REPS2: variants seen among roughly 807,000 people sequenced by gnomAD.
REPS2 encodes the protein ralBP1-associated Eps domain-containing protein 2.
A neutral mutation model predicts 53.6 loss-of-function variants in REPS2; 23 were observed. That is an observed-to-expected ratio of 0.43 (90% CI 0.31 to 0.61). REPS2 has a LOEUF of 0.61. REPS2 is among the 20% of genes least tolerant of loss of function. The pLI, the probability that REPS2 is intolerant of heterozygous loss-of-function variation, is 0.11. For missense variants in REPS2, 446 were observed against 534.9 expected (o/e 0.83, Z 1.64); for synonymous variants, 238 against 218.6 (o/e 1.09, Z -0.78).
At chrX:16,977,175 A>T (rs781741192) in intron 1 of REPS2, among the ~76,000 whole-genome samples, 8 of 111,254 alleles carry the variant, frequency 7.2e-5, no homozygotes, top group African/African-American at 2.6e-4. Flanking sequence ...TGCTCTTGGG[A>T]CACCTTTACT....
intron 5 of REPS2, among the ~76,000 whole-genome samples, chrX:17,038,203 ACAATTGCC>A (rs2061790200): frequency 8.9e-6 from 1 of 112,489 alleles, no homozygotes; most frequent in African/African-American, 3.2e-5. Flanking sequence ...TTAAAAACTG[ACAATTGCC>A]CTAAAGGCCT....
intron 14 of REPS2, among the ~76,000 whole-genome samples, chrX:17,117,193 A>C (rs1235177983): frequency 1.8e-5 from 2 of 112,438 alleles, no homozygotes; most frequent in African/African-American, 6.5e-5. Context: ...CACAGGTAGC[A>C]AAGTGATACC....
chrX:16,957,789 C>T (rs2060614254), intron 1 of REPS2, among the ~76,000 whole-genome samples: 1 of 111,771 alleles, frequency 8.9e-6, no homozygotes, highest in South Asian at 3.7e-4. Context: ...GCATGACTGA[C>T]ACTTTGGGGC....
chrX:17,076,295 C>T (rs1295300299), intron 12 of REPS2, among the ~76,000 whole-genome samples: 1 of 111,845 alleles, frequency 8.9e-6, no homozygotes, highest in Non-Finnish European at 1.9e-5. Context: ...GTACCTCTGA[C>T]TCAGAGGTCG....
chrX:17,044,124 A>C (rs887606497), intron 5 of REPS2, among the ~76,000 whole-genome samples: 1 of 111,417 alleles, frequency 9.0e-6, no homozygotes, highest in Admixed American at 9.6e-5. Flanking sequence ...GTTAGAGTAG[A>C]CCTGAGACCT....
intron 5 of REPS2, among the ~76,000 whole-genome samples, chrX:17,037,659 C>T (rs2061783190): frequency 8.9e-6 from 1 of 112,307 alleles, no homozygotes; most frequent in African/African-American, 3.2e-5. Flanking sequence ...CACTGTGTAC[C>T]ACACTTCTTG....
At chrX:17,187,046 T>A in the REPS2 span, among the ~76,000 whole-genome samples, 1 of 111,825 alleles carries the variant, frequency 8.9e-6, no homozygotes, top group East Asian at 2.8e-4. Flanking sequence ...TTCATCCATG[T>A]AACCAAAAAC....
intron 1 of REPS2, among the ~76,000 whole-genome samples, chrX:16,952,062 C>T (rs1217529520): frequency 9.0e-6 from 1 of 111,730 alleles, no homozygotes; most frequent in East Asian, 2.8e-4. Flanking sequence ...CACATATGCT[C>T]CAGATCTCAT....
intron 13 of REPS2, among the ~76,000 whole-genome samples, chrX:17,093,166 C>CCATATATATATATATATATATA (rs2062641320): frequency 3.1e-4 from 12 of 39,106 alleles, no homozygotes; most frequent in South Asian, 2.2e-3. Context: ...TGAGTTAATG[C>CCATATATATATATATATATATA]TATATATATA....
Position 17,103,868 on chromosome X carries a change from G to T in REPS2, c.1578+89G>T, listed in dbSNP as rs755694856. The T allele has an allele frequency of 2.6e-3, 2,252 of 857,045 alleles. 7 individuals carry two copies. The highest frequency in any genetic ancestry group is 3.4e-3 in the Non-Finnish European group (1,968 of 581,158). The allele number at this position is 857,045 out of a possible 1,213,427, so 70.6% of individuals were successfully genotyped here. ...TTCTTTGCAAGGGTTGATCGCCACA[G>T]ATCTGGTCCATGAGATTCCCAAGCT... On this transcript the variant is annotated intron_variant, in intron 14 of 17. Coordinates refer to ENST00000357277, the MANE Select transcript of REPS2 (RefSeq NM_004726.3).
chrX:17,002,609 CCT>C (rs2061321107), intron 1 of REPS2, among the ~76,000 whole-genome samples: 1 of 112,200 alleles, frequency 8.9e-6, no homozygotes, highest in Admixed American at 9.4e-5. Context: ...TCAGCTGTTC[CCT>C]GAGAGGCTGA....
rs1312494928 is a variant in REPS2 at position 17,150,003 on chromosome X, G to A, written c.*2522G>A. 9.0e-6 allele frequency: 1 copy of A among 111,691 alleles called. No individual in the cohort carries two copies. Among genetic ancestry groups the A allele is most frequent in the Non-Finnish European group, 1.9e-5 (1 of 53,121 alleles). The allele number at this position is 111,691 out of a possible 1,213,427, so 9.2% of individuals were successfully genotyped here. ...AATATCTATGCCTACCTTCTTGGGTGGACTCAACTGTAACCACAGTTTATT... is the reference window on the plus strand; with the variant it reads ...AATATCTATGCCTACCTTCTTGGGTAGACTCAACTGTAACCACAGTTTATT... On this transcript the variant is annotated 3_prime_UTR_variant, in exon 18 of 18. Coordinates refer to ENST00000357277, the MANE Select transcript of REPS2 (RefSeq NM_004726.3).
intron 1 of REPS2, among the ~76,000 whole-genome samples, chrX:16,949,784 A>G (rs947679027): frequency 9.0e-6 from 1 of 110,688 alleles, no homozygotes; most frequent in African/African-American, 3.3e-5. Context: ...CAGAGTACCC[A>G]TATATCCCCT....
chrX:16,969,007 G>C (rs1209028252), intron 1 of REPS2, among the ~76,000 whole-genome samples: 1 of 110,372 alleles, frequency 9.1e-6, no homozygotes, highest in Non-Finnish European at 1.9e-5. Flanking sequence ...TCACTTTTCA[G>C]ACGGGGCGGT....
At chrX:17,123,039 A>G (rs905147483) in intron 14 of REPS2, among the ~76,000 whole-genome samples, 3 of 112,304 alleles carry the variant, frequency 2.7e-5, no homozygotes, top group Non-Finnish European at 5.6e-5. Flanking sequence ...AGGCCTATAT[A>G]TGTCAGAGAT....
At position 17,148,645 on chromosome X, in the gene REPS2, A is replaced by G. The variant is rs1021199585; in HGVS notation, c.*1164A>G. On this transcript the variant is annotated 3_prime_UTR_variant, in exon 18 of 18. Transcript: ENST00000357277. ...AATTAACTCCAGTGTAGGTAATGTA[A>G]AACAGTAAGCTCAAATTGCAGAAGC... The G allele has an allele frequency of 1.2e-5, 2 of 173,206 alleles. No individual in the cohort carries two copies. The highest frequency in any genetic ancestry group is 2.2e-5 in the Non-Finnish European group (2 of 91,735). 14.3% of individuals were successfully genotyped at this position (173,206 alleles called of 1,213,427 possible).
intron 2 of REPS2, among the ~76,000 whole-genome samples, chrX:17,012,775 G>C (rs1311718024): frequency 9.0e-6 from 1 of 111,098 alleles, no homozygotes; most frequent in African/African-American, 3.3e-5. Flanking sequence ...GGTTTTTTTT[G>C]GTTCCTCTTG....
intron 4 of REPS2, 79 bp downstream of exon 4, chrX:17,025,264 G>A: frequency 2.0e-6 from 2 of 992,126 alleles, no homozygotes; most frequent in Non-Finnish European, 2.7e-6. Flanking sequence ...AACGCTTCAA[G>A]CTGCTTAATT....
intron 2 of REPS2, among the ~76,000 whole-genome samples, chrX:17,008,761 A>G (rs1467231566): frequency 1.8e-5 from 2 of 111,721 alleles, no homozygotes; most frequent in Non-Finnish European, 3.8e-5. Context: ...TCACTCTGTG[A>G]GAACCTAATC....
Sources: gnomAD v4.1 joint callset for allele counts (sites outside exome capture counted in the v4.1 genomes callset) on GRCh38, gnomAD v4.1.1 for gene constraint, MANE v1.5 for transcripts, NCBI Gene and HGNC (gene_info 2026-07-23, HGNC 2026-07-21) for gene names.